The following PPP1R14C variants were observed in gnomAD, a reference collection of about 807,000 sequenced individuals.
PPP1R14C encodes the protein protein phosphatase 1 regulatory subunit 14C.
A neutral mutation model predicts 20.4 loss-of-function variants in PPP1R14C; 16 were observed. The observed-to-expected ratio is 0.78, with a 90% CI of 0.53 to 1.19. The LOEUF (loss-of-function observed/expected upper bound fraction) is 1.19, where lower values mean the gene tolerates loss of function less well. Ranked by LOEUF, PPP1R14C falls within the 50% of genes most tolerant of loss-of-function variation. PPP1R14C has a pLI of 0.00. For missense variants in PPP1R14C, 211 were observed against 220.1 expected (o/e 0.96, Z 0.26); for synonymous variants, 91 against 91.0 (o/e 1.00, Z 0.00).
chr6:150,241,144 G>A (rs1326831583), intron 3 of PPP1R14C, among the ~76,000 whole-genome samples: 2 of 152,104 alleles, frequency 1.3e-5, no homozygotes, highest in African/African-American at 4.8e-5. Context: ...AAAGAGGAAG[G>A]GGGCTGGACA....
At chr6:150,187,848 C>T (rs1582909406) in intron 1 of PPP1R14C, among the ~76,000 whole-genome samples, 1 of 152,288 alleles carries the variant, frequency 6.6e-6, no homozygotes, top group Non-Finnish European at 1.5e-5. Context: ...TTAAATGGTA[C>T]TTGACTTAGT....
chr6:150,224,325 T>A (rs1399422727), intron 3 of PPP1R14C, among the ~76,000 whole-genome samples: 2 of 152,216 alleles, frequency 1.3e-5, no homozygotes, highest in Non-Finnish European at 2.9e-5. Context: ...TTGGCTGTTC[T>A]GGGTCTTTTG....
At chr6:150,210,604 C>G (rs887988458) in intron 1 of PPP1R14C, among the ~76,000 whole-genome samples, 2 of 152,168 alleles carry the variant, frequency 1.3e-5, no homozygotes, top group African/African-American at 4.8e-5. Flanking sequence ...ACAAGGGGAA[C>G]CGGCAGCCTA....
chr6:150,238,145 G>A (rs1200860216), intron 3 of PPP1R14C, among the ~76,000 whole-genome samples: 3 of 152,134 alleles, frequency 2.0e-5, no homozygotes, highest in Admixed American at 1.3e-4. Flanking sequence ...GATCTCTTAG[G>A]TAGTATTTTG....
At chr6:150,152,297 G>T (rs376948278) in intron 1 of PPP1R14C, among the ~76,000 whole-genome samples, 1 of 152,196 alleles carries the variant, frequency 6.6e-6, no homozygotes, top group African/African-American at 2.4e-5. Context: ...AGGGTCTCTG[G>T]TTCCTGGGTT....
chr6:150,230,825 G>A (rs929671146), intron 3 of PPP1R14C, among the ~76,000 whole-genome samples: 1 of 152,152 alleles, frequency 6.6e-6, no homozygotes, highest in African/African-American at 2.4e-5. Flanking sequence ...CACAGAACAG[G>A]GATTTGCAGT....
At chr6:150,197,256 TC>T (rs373622356) in intron 1 of PPP1R14C, among the ~76,000 whole-genome samples, 1,879 of 152,226 alleles carry the variant, frequency 0.012, 44 homozygotes, top group African/African-American at 0.044. Flanking sequence ...GAGGCTCTGC[TC>T]CCGCCTGCGG....
intron 3 of PPP1R14C, among the ~76,000 whole-genome samples, chr6:150,238,779 T>C (rs951697571): frequency 6.6e-6 from 1 of 152,266 alleles, no homozygotes; most frequent in African/African-American, 2.4e-5. Context: ...TCAAATTCAG[T>C]TGGCATCAAG....
At chr6:150,202,314 CG>C (rs1486833731) in intron 1 of PPP1R14C, among the ~76,000 whole-genome samples, 170 of 152,346 alleles carry the variant, frequency 1.1e-3, no homozygotes, top group Non-Finnish European at 1.2e-4. Context: ...CTGGGTCCCA[CG>C]GAAGAGGCAC....
At chr6:150,155,357 G>A (rs1397450036) in intron 1 of PPP1R14C, among the ~76,000 whole-genome samples, 1 of 152,092 alleles carries the variant, frequency 6.6e-6, no homozygotes, top group Non-Finnish European at 1.5e-5. Context: ...TATTTATTTG[G>A]TATAATGATA....
At chr6:150,151,165 TTC>T (rs1312423550) in intron 1 of PPP1R14C, among the ~76,000 whole-genome samples, 1 of 152,206 alleles carries the variant, frequency 6.6e-6, no homozygotes, top group African/African-American at 2.4e-5. Flanking sequence ...CTGATCTGTT[TTC>T]TGAGTGCCAG....
At chr6:150,151,947 C>T (rs886226646) in intron 1 of PPP1R14C, among the ~76,000 whole-genome samples, 5 of 151,738 alleles carry the variant, frequency 3.3e-5, no homozygotes, top group African/African-American at 7.3e-5. Context: ...GGTGAAACCC[C>T]GTCTCTACTA....
chr6:150,168,566 A>AAAACAAAACAAAAC (rs1562260108), intron 1 of PPP1R14C, among the ~76,000 whole-genome samples: 78 of 69,246 alleles, frequency 1.1e-3, no homozygotes, highest in African/African-American at 3.9e-3. Flanking sequence ...CAAAACAAAA[A>AAAACAAAACAAAAC]AACCCTTGAT....
intron 3 of PPP1R14C, among the ~76,000 whole-genome samples, chr6:150,225,176 G>A (rs912265491): frequency 1.3e-4 from 20 of 152,170 alleles, no homozygotes; most frequent in Admixed American, 5.2e-4. Context: ...AGAAGAAAAA[G>A]AAGAAGAACA....
intron 1 of PPP1R14C, among the ~76,000 whole-genome samples, chr6:150,183,132 A>T (rs1285163578): frequency 1.3e-5 from 2 of 152,218 alleles, no homozygotes; most frequent in East Asian, 3.9e-4. Flanking sequence ...TTGTTTTTTT[A>T]ATTCTATCTT....
chr6:150,201,519 TG>T lies in PPP1R14C; in HGVS notation c.307-13221del, dbSNP rs1777877306. Reference sequence around the variant, plus strand: ...CCAGCGGAGTTAGAGCTCAGGGAGTTGGGGTGAGGCATTGAATGGAGAGGAG... The same window carrying T: ...CCAGCGGAGTTAGAGCTCAGGGAGTTGGGTGAGGCATTGAATGGAGAGGAG... On this transcript the variant is annotated intron_variant, in intron 1 of 3. Coordinates refer to ENST00000361131, the MANE Select transcript of PPP1R14C (RefSeq NM_030949.3). This position sits in a 1 kb window ranked among gnomAD's most constrained non-coding sequence, Gnocchi z 4.2. 6.6e-6 allele frequency among the ~76,000 whole-genome samples: 1 copy of T among 151,934 alleles called. No homozygotes were observed. Among genetic ancestry groups the T allele is most frequent in the African/African-American group, 2.4e-5 (1 of 41,366 alleles).
intron 3 of PPP1R14C, among the ~76,000 whole-genome samples, chr6:150,225,651 G>A (rs905132508): frequency 6.6e-6 from 1 of 152,212 alleles, no homozygotes; most frequent in Non-Finnish European, 1.5e-5. Flanking sequence ...CTGGAAACAG[G>A]AAGTCTCATT....
At chr6:150,214,248 A>C (rs1778062611) in intron 1 of PPP1R14C, among the ~76,000 whole-genome samples, 1 of 152,166 alleles carries the variant, frequency 6.6e-6, no homozygotes, top group Admixed American at 6.5e-5. Context: ...TGGACCCCCA[A>C]ATAAAGATTG....
chr6:150,186,651 C>A (rs1269422534), intron 1 of PPP1R14C, among the ~76,000 whole-genome samples: 2 of 152,142 alleles, frequency 1.3e-5, no homozygotes, highest in African/African-American at 4.8e-5. Flanking sequence ...AGAAGCCAAC[C>A]AACAGTGTTT....
Sources: allele counts gnomAD v4.1 joint callset (sites outside exome capture counted in the v4.1 genomes callset), GRCh38; gene constraint gnomAD v4.1.1; non-coding constraint Gnocchi (gnomAD v3.1); transcripts MANE v1.5; gene names NCBI Gene and HGNC (gene_info 2026-07-23, HGNC 2026-07-21).